The following PID1 variants were observed in gnomAD, a reference collection of about 807,000 sequenced individuals.
PID1 encodes the protein PTB-containing, cubilin and LRP1-interacting protein.
In PID1, 10 loss-of-function variants were observed where a neutral mutation model predicts 19.1. The ratio of observed to expected loss-of-function variants is 0.52; its 90% confidence interval spans 0.32 to 0.89. The LOEUF is 0.89. PID1 is among the 40% of genes least tolerant of loss of function. The pLI, the probability that PID1 is intolerant of heterozygous loss-of-function variation, is 0.03. For missense variants in PID1, 248 were observed against 285.3 expected (o/e 0.87, Z 0.94); for synonymous variants, 130 against 116.0 (o/e 1.12, Z -0.78).
At chr2:229,098,252 T>C (rs1695009064) in intron 2 of PID1, among the ~76,000 whole-genome samples, 1 of 152,214 alleles carries the variant, frequency 6.6e-6, no homozygotes, top group Non-Finnish European at 1.5e-5. Flanking sequence ...CATGTCCTTA[T>C]TTGTAAAATG....
At chr2:229,228,025 A>C (rs1692119109) in intron 1 of PID1, 1 of 455,868 alleles carries the variant, frequency 2.2e-6, no homozygotes, top group Non-Finnish European at 4.4e-6. Flanking sequence ...AGGGATACTG[A>C]GGGACAAGTG....
intron 1 of PID1, among the ~76,000 whole-genome samples, chr2:229,199,909 A>T (rs866504418): frequency 9.9e-5 from 15 of 152,072 alleles, no homozygotes; most frequent in Middle Eastern, 3.4e-3. Flanking sequence ...TCAAATAACA[A>T]AAAGTTTCTA....
At chr2:229,098,688 T>G (rs17676036) in intron 2 of PID1, among the ~76,000 whole-genome samples, 13,184 of 152,224 alleles carry the variant, frequency 0.087, 644 homozygotes, top group East Asian at 0.17. Context: ...ATTGCATGAT[T>G]ATTCTTCTTT....
At chr2:229,207,115 CTAATA>C (rs1294715901) in intron 1 of PID1, among the ~76,000 whole-genome samples, 6 of 152,076 alleles carry the variant, frequency 3.9e-5, no homozygotes, top group Non-Finnish European at 8.8e-5. Context: ...TTCCCTACTA[CTAATA>C]TAATTATTAA....
intron 2 of PID1, among the ~76,000 whole-genome samples, chr2:229,038,751 T>G (rs1402011291): frequency 1.3e-5 from 2 of 152,162 alleles, no homozygotes; most frequent in Non-Finnish European, 2.9e-5. Flanking sequence ...AAGCAACAGT[T>G]ATGAAATCCA....
At chr2:229,139,218 C>A (rs1175656284) in intron 2 of PID1, among the ~76,000 whole-genome samples, 1 of 152,040 alleles carries the variant, frequency 6.6e-6, no homozygotes, top group East Asian at 1.9e-4. Context: ...TTTAGTTTTG[C>A]TTCACCATGA....
chr2:229,123,236 C>T (rs13018035), intron 2 of PID1, among the ~76,000 whole-genome samples: 99,644 of 151,918 alleles, frequency 0.66, 32,947 homozygotes, highest in East Asian at 0.74. Flanking sequence ...TACAGATTTA[C>T]CTATTCAGGG....
chr2:229,173,873 C>T (rs1690759975), intron 1 of PID1, among the ~76,000 whole-genome samples: 1 of 152,124 alleles, frequency 6.6e-6, no homozygotes, highest in African/African-American at 2.4e-5. Flanking sequence ...CACCTCAGCT[C>T]CCTGGCCCTG....
chr2:229,149,175 T>C (rs1204908971), intron 2 of PID1, among the ~76,000 whole-genome samples: 1 of 152,012 alleles, frequency 6.6e-6, no homozygotes, highest in Non-Finnish European at 1.5e-5. Context: ...ATGCCCCAAA[T>C]GGCCAACACC....
chr2:229,225,547 A>G (rs1322025622), intron 1 of PID1, among the ~76,000 whole-genome samples: 2 of 152,168 alleles, frequency 1.3e-5, no homozygotes, highest in Admixed American at 6.5e-5. Flanking sequence ...CCAGGGACAT[A>G]GCTCCTCTTT....
intron 1 of PID1, among the ~76,000 whole-genome samples, chr2:229,249,360 T>C (rs74268311): frequency 9.2e-5 from 14 of 152,306 alleles, no homozygotes; most frequent in Non-Finnish European, 1.6e-4. Flanking sequence ...ATTCTTCTCT[T>C]AGCATGCTCA....
chr2:229,173,020 ACTGGCC>A, intron 1 of PID1, among the ~76,000 whole-genome samples: 1 of 152,152 alleles, frequency 6.6e-6, no homozygotes, highest in East Asian at 1.9e-4. Flanking sequence ...GGCGTGAACC[ACTGGCC>A]TCAATGCACT....
At chr2:229,139,935 G>A (rs1290620947) in intron 2 of PID1, among the ~76,000 whole-genome samples, 1 of 152,118 alleles carries the variant, frequency 6.6e-6, no homozygotes, top group African/African-American at 2.4e-5. Flanking sequence ...GGGGCCAAGA[G>A]AGGATTTTGA....
intron 2 of PID1, among the ~76,000 whole-genome samples, chr2:229,147,306 A>T (rs1690155393): frequency 6.6e-6 from 1 of 152,182 alleles, no homozygotes; most frequent in Non-Finnish European, 1.5e-5. Context: ...AACTTTTAAC[A>T]TCCAAATAAA....
chr2:229,226,198 G>A (rs904502562), intron 1 of PID1, among the ~76,000 whole-genome samples: 5 of 152,096 alleles, frequency 3.3e-5, no homozygotes, highest in Admixed American at 2.0e-4. Context: ...ACCCTTCAGG[G>A]TTCATTGAGT....
At chr2:229,244,148 T>C (rs1043405866) in intron 1 of PID1, among the ~76,000 whole-genome samples, 14 of 152,284 alleles carry the variant, frequency 9.2e-5, no homozygotes, top group African/African-American at 3.4e-4. Context: ...TGAAAACTCA[T>C]GCAACCTCAT....
At chr2:229,124,780 G>T (rs1695588921) in intron 2 of PID1, among the ~76,000 whole-genome samples, 1 of 152,104 alleles carries the variant, frequency 6.6e-6, no homozygotes, top group South Asian at 2.1e-4. Flanking sequence ...TATTGTGCTA[G>T]TTTGTAACAG....
chr2:229,242,488 T>C (rs1055408755), intron 1 of PID1, among the ~76,000 whole-genome samples: 1 of 152,052 alleles, frequency 6.6e-6, no homozygotes, highest in African/African-American at 2.4e-5. Context: ...CATGCTCCAC[T>C]CAGCTGCCTA....
At chr2:229,061,376 C>A (rs936650099) in intron 2 of PID1, among the ~76,000 whole-genome samples, 7 of 151,886 alleles carry the variant, frequency 4.6e-5, no homozygotes, top group African/African-American at 1.7e-4. Context: ...TTCTCCATTG[C>A]GTGCTCTTGG....
Sources: gnomAD v4.1 joint callset for allele counts (sites outside exome capture counted in the v4.1 genomes callset) on GRCh38, gnomAD v4.1.1 for gene constraint, MANE v1.5 for transcripts, NCBI Gene and HGNC (gene_info 2026-07-23, HGNC 2026-07-21) for gene names.